DPP6: variants seen among roughly 807,000 people sequenced by gnomAD.
DPP6 encodes dipeptidyl peptidase like 6.
Under a neutral mutation model 122.6 loss-of-function variants are expected in DPP6, and 69 were observed. The ratio of observed to expected loss-of-function variants is 0.56; its 90% CI spans 0.46 to 0.69. The LOEUF (loss-of-function observed/expected upper bound fraction) is 0.69, where lower values mean the gene tolerates loss of function less well. Ranked by LOEUF, DPP6 falls within the 30% of genes least tolerant of loss-of-function variation. The pLI is 0.00. For missense variants in DPP6, 928 were observed against 1,116.9 expected (o/e 0.83, Z 2.41); for synonymous variants, 418 against 433.1 (o/e 0.97, Z 0.43).
At chr7:154,275,759 A>G (rs1472734806) in intron 1 of DPP6, among the ~76,000 whole-genome samples, 1 of 152,220 alleles carries the variant, frequency 6.6e-6, no homozygotes, top group African/African-American at 2.4e-5. Flanking sequence ...ATCTACAAAT[A>G]AAAGTACTGG....
intron 1 of DPP6, among the ~76,000 whole-genome samples, chr7:153,987,360 G>T (rs1031085468): frequency 6.6e-6 from 1 of 152,180 alleles, no homozygotes; most frequent in Non-Finnish European, 1.5e-5. Flanking sequence ...GACTCCCCTT[G>T]TGAACTGAAC....
At chr7:154,503,419 A>C (rs1191479337) in intron 3 of DPP6, among the ~76,000 whole-genome samples, 1 of 151,882 alleles carries the variant, frequency 6.6e-6, no homozygotes, top group Non-Finnish European at 1.5e-5. Context: ...TCCTTTCTTC[A>C]CCTACACGAT....
chr7:154,703,621 A>G (rs1263505380), intron 7 of DPP6, among the ~76,000 whole-genome samples: 3 of 146,990 alleles, frequency 2.0e-5, no homozygotes, highest in African/African-American at 4.9e-5. Context: ...TCTGTCTCAA[A>G]AAAAAAAAAA....
rs987712184 is a variant in DPP6 at position 154,760,808 on chromosome 7, A to C, written c.884-8609A>C. On this transcript the variant is annotated intron_variant, in intron 8 of 25. Transcript: ENST00000377770. The surrounding 1 kb of genome is among the most constrained non-coding windows in gnomAD (Gnocchi z 4.5). ...AAAAAGAAGGGTAAAGGAGCCTGGC[A>C]TACTGGCTCAGCCTTCCTCTTTCAA... is the stretch of plus-strand genomic sequence containing the variant. 4.6e-5 allele frequency among the ~76,000 whole-genome samples: 7 copies of C among 151,382 alleles called. No homozygotes were observed. Among genetic ancestry groups the C allele is most frequent in the Non-Finnish European group, 1.0e-4 (7 of 67,920 alleles).
intron 2 of DPP6, among the ~76,000 whole-genome samples, chr7:154,451,466 T>A (rs930653840): frequency 6.6e-6 from 1 of 151,990 alleles, no homozygotes; most frequent in Non-Finnish European, 1.5e-5. Flanking sequence ...TGGGACCCTG[T>A]CCTCCAAGCT....
At chr7:154,743,833 T>C (rs1431357008) in intron 8 of DPP6, among the ~76,000 whole-genome samples, 1 of 152,168 alleles carries the variant, frequency 6.6e-6, no homozygotes, top group East Asian at 1.9e-4. Context: ...CAGTCAGCCC[T>C]GAGGACCCAG....
Position 154,618,006 on chromosome 7 carries a change from C to T in DPP6, c.628-19815C>T, listed in dbSNP as rs1289835765. Among the ~76,000 whole-genome samples the T allele has an allele frequency of 6.6e-6, 1 of 152,174 alleles. No homozygotes were observed. Among genetic ancestry groups the T allele is most frequent in the African/African-American group, 2.4e-5 (1 of 41,438 alleles). On this transcript the variant is annotated intron_variant, in intron 5 of 25. Coordinates refer to ENST00000377770, the MANE Select transcript of DPP6 (RefSeq NM_130797.4). The surrounding 1 kb of genome is among the most constrained non-coding windows in gnomAD (Gnocchi z 4.1). ...CCATAGGGGCTGCAGACCCGGGACT[C>T]AAACGATGTGCAAAGGCCTCAGTTT...
chr7:154,306,866 C>T (rs1344765036), intron 1 of DPP6, among the ~76,000 whole-genome samples: 3 of 152,170 alleles, frequency 2.0e-5, no homozygotes, highest in Admixed American at 1.3e-4. Flanking sequence ...ACCAAACCCT[C>T]CTCCTTTCAA....
At chr7:154,702,176 TTG>T (rs1345909530) in intron 7 of DPP6, among the ~76,000 whole-genome samples, 1 of 152,240 alleles carries the variant, frequency 6.6e-6, no homozygotes, top group Non-Finnish European at 1.5e-5. Flanking sequence ...GTAATAAACA[TTG>T]TGTGTTCTGA....
At chr7:154,423,698 T>A (rs1817668156) in intron 1 of DPP6, among the ~76,000 whole-genome samples, 1 of 152,216 alleles carries the variant, frequency 6.6e-6, no homozygotes, top group African/African-American at 2.4e-5. Flanking sequence ...AAGCAAACTA[T>A]GTTGTCAAGG....
At chr7:153,905,868 G>A (rs1799829363) in intron 1 of DPP6, among the ~76,000 whole-genome samples, 2 of 152,158 alleles carry the variant, frequency 1.3e-5, no homozygotes, top group South Asian at 2.1e-4. Context: ...ACTGAATTGC[G>A]GTTTGATCCT....
At chr7:154,077,635 G>C (rs1163056563) in intron 1 of DPP6, among the ~76,000 whole-genome samples, 1 of 151,554 alleles carries the variant, frequency 6.6e-6, no homozygotes, top group Non-Finnish European at 1.5e-5. Context: ...GCCCTGTTGA[G>C]AACCTTAAAT....
chr7:153,996,177 C>T (rs943021405), intron 1 of DPP6, among the ~76,000 whole-genome samples: 18 of 152,154 alleles, frequency 1.2e-4, no homozygotes, highest in Non-Finnish European at 4.4e-5. Flanking sequence ...TGTGATGACA[C>T]ATCCTGAAGA....
intron 10 of DPP6, among the ~76,000 whole-genome samples, chr7:154,779,075 A>ACACCACC (rs1563201242): frequency 8.9e-5 from 13 of 146,876 alleles, no homozygotes; most frequent in South Asian, 2.2e-4. Context: ...CATCACCTCC[A>ACACCACC]TCACCTCCAC....
At chr7:154,793,248 G>T (rs1797803475) in intron 10 of DPP6, among the ~76,000 whole-genome samples, 1 of 152,178 alleles carries the variant, frequency 6.6e-6, no homozygotes, top group Non-Finnish European at 1.5e-5. Flanking sequence ...GCATTAGCTG[G>T]CTTCTAGAAC....
intron 1 of DPP6, among the ~76,000 whole-genome samples, chr7:154,399,301 T>C (rs548822002): frequency 6.6e-6 from 1 of 152,334 alleles, no homozygotes; most frequent in Non-Finnish European, 1.5e-5. Context: ...AGTCTTTATG[T>C]TCAAATGCAA....
intron 5 of DPP6, chr7:154,588,703 T>C (rs1563901231): frequency 1.3e-5 from 2 of 152,248 alleles, no homozygotes; most frequent in Non-Finnish European, 2.9e-5. Flanking sequence ...AGTCAAAATT[T>C]CATTGTAATT....
At chr7:154,549,949 C>G (rs960806048) in intron 4 of DPP6, among the ~76,000 whole-genome samples, 6 of 152,052 alleles carry the variant, frequency 3.9e-5, no homozygotes, top group African/African-American at 7.2e-5. Context: ...GTATACTTTA[C>G]CTGATTGTTT....
intron 8 of DPP6, among the ~76,000 whole-genome samples, chr7:154,745,228 T>C (rs967786140): frequency 5.3e-5 from 8 of 152,222 alleles, no homozygotes; most frequent in Non-Finnish European, 1.0e-4. Flanking sequence ...CTCCTCATCC[T>C]GGAGGTCTCC....
Sources: allele counts gnomAD v4.1 joint callset (sites outside exome capture counted in the v4.1 genomes callset), GRCh38; gene constraint gnomAD v4.1.1; non-coding constraint Gnocchi (gnomAD v3.1); transcripts MANE v1.5; gene names NCBI Gene and HGNC (gene_info 2026-07-23, HGNC 2026-07-21).